Variants in AGO2 observed in about 807,000 individuals in gnomAD.
The protein encoded by AGO2 is protein argonaute-2.
Under a neutral mutation model 102.3 loss-of-function variants are expected in AGO2, and 5 were observed. That is an observed-to-expected ratio of 0.05 (90% confidence interval 0.03 to 0.10). The LOEUF (loss-of-function observed/expected upper bound fraction) is 0.10. Among genes scored for constraint, AGO2 ranks in the 10% least tolerant of loss-of-function variants. AGO2 has a pLI of 1.00. For missense variants in AGO2, 541 were observed against 1,183.7 expected (o/e 0.46, Z 7.97); for synonymous variants, 449 against 473.1 (o/e 0.95, Z 0.66).
At chr8:140,613,909 T>G (rs2074110001) in intron 1 of AGO2, among the ~76,000 whole-genome samples, 1 of 148,574 alleles carries the variant, frequency 6.7e-6, no homozygotes, top group Admixed American at 7.0e-5. Flanking sequence ...TCCCAGCTAC[T>G]CAGGAGGCTG....
chr8:140,634,011 G>A (rs2074371199), intron 1 of AGO2, among the ~76,000 whole-genome samples: 1 of 152,224 alleles, frequency 6.6e-6, no homozygotes, highest in African/African-American at 2.4e-5. Context: ...CTACAAAGAG[G>A]AGCTGGAAGG....
chr8:140,631,143 CG>C (rs1263906718), intron 1 of AGO2, among the ~76,000 whole-genome samples: 1 of 152,116 alleles, frequency 6.6e-6, no homozygotes, highest in Non-Finnish European at 1.5e-5. Context: ...CTCAACAAAA[CG>C]GAGCCCAAAA....
intron 3 of AGO2, among the ~76,000 whole-genome samples, chr8:140,566,675 T>G (rs1298710624): frequency 6.6e-6 from 1 of 150,808 alleles, no homozygotes; most frequent in Non-Finnish European, 1.5e-5. Context: ...AGGGGCTGAC[T>G]GAGGCGCCCC....
rs1246194252 is a variant in AGO2, at chr8:140,540,811, C to T, written c.2034+353G>A. 3.3e-5 allele frequency among the ~76,000 whole-genome samples: 5 copies of T among 152,200 alleles called. No individual in the cohort carries two copies. The highest frequency in any genetic ancestry group is 5.9e-5 in the Non-Finnish European group (4 of 68,028). On this transcript the variant is annotated intron_variant, in intron 15 of 18. Transcript: ENST00000220592. This position sits in a 1 kb window ranked among gnomAD's most constrained non-coding sequence, Gnocchi z 5.0. ...GAGCTCCCCGCCTCGCAGGGACACC[C>T]GACAGCTCTCCACAGCCTGCAAGGC...
At chr8:140,621,091 C>T (rs768851887) in intron 1 of AGO2, among the ~76,000 whole-genome samples, 6 of 152,160 alleles carry the variant, frequency 3.9e-5, no homozygotes, top group African/African-American at 7.2e-5. Context: ...CTCTCCCTCA[C>T]GCCACATTTG....
intron 3 of AGO2, chr8:140,572,118 A>C (rs2073387811): frequency 1.3e-5 from 2 of 152,232 alleles, no homozygotes; most frequent in African/African-American, 4.8e-5. Flanking sequence ...CATTTGTTGA[A>C]AGATATTCTC....
At position 140,557,366 on chromosome 8, in the gene AGO2, A is replaced by G. The variant is rs575075984; in HGVS notation, c.879-130T>C. ...CATTCAGAGCACTTCCGGGAGTGAAAACCATGTCATGTGCTTTGGGTTATC... is the reference window on the plus strand; with the variant it reads ...CATTCAGAGCACTTCCGGGAGTGAAGACCATGTCATGTGCTTTGGGTTATC... On this transcript the variant is annotated intron_variant, in intron 7 of 18. Transcript: ENST00000220592. This position sits in a 1 kb window ranked among gnomAD's most constrained non-coding sequence, Gnocchi z 5.9. The G allele has an allele frequency of 3.5e-6, 4 of 1,158,514 alleles. No homozygotes were observed. In the East Asian group the frequency reaches 7.7e-5, roughly 22 times the overall value. 71.8% of individuals were successfully genotyped at this position (1,158,514 alleles called of 1,614,324 possible). A position where few individuals can be genotyped will look rare whatever the true frequency, so the allele number is the denominator to read the frequency against.
chr8:140,546,399 A>C (rs1040529995), intron 13 of AGO2, among the ~76,000 whole-genome samples: 2 of 152,242 alleles, frequency 1.3e-5, no homozygotes, highest in Non-Finnish European at 2.9e-5. Flanking sequence ...CCTGCTGAGT[A>C]GGACACTCGG....
Position 140,532,029 on chromosome 8 carries a change from A to G in AGO2, c.*15T>C, listed in dbSNP as rs2072605835. ...GAATCCCACTCGGTACACAATCGCT[A>G]AACACTAAAACATGTCAAGCAAAGT... On this transcript the variant is annotated 3_prime_UTR_variant, in exon 19 of 19. Transcript: ENST00000220592. 1 of 1,611,924 alleles carries G rather than the reference A, an allele frequency of 6.2e-7. No homozygotes were observed. The highest frequency in any genetic ancestry group is 1.3e-5 in the African/African-American group (1 of 74,988).
At chr8:140,535,623 C>T in intron 16 of AGO2, 54 bp from the exon 17 acceptor site, 1 of 1,581,326 alleles carries the variant, frequency 6.3e-7, no homozygotes, top group Non-Finnish European at 8.7e-7. Context: ...CAGAGCCAAG[C>T]AGGCGGGCCA....
rs989332049 is a variant in AGO2, at chr8:140,526,868, C to T, written c.*5176G>A. 2.0e-5 allele frequency: 3 copies of T among 152,190 alleles called. No homozygotes were observed. Among genetic ancestry groups the T allele is most frequent in the Non-Finnish European group, 2.9e-5 (2 of 68,050 alleles). The allele number at this position is 152,190 out of a possible 1,614,324, so 9.4% of individuals were successfully genotyped here. ...CTGGGTGTGACACAGGGTAGCCTGA[C>T]CACAGAGTGACACACGGGGGCTACA... On this transcript the variant is annotated 3_prime_UTR_variant, in exon 19 of 19. Transcript: ENST00000220592. The surrounding 1 kb of genome is among the most constrained non-coding windows in gnomAD (Gnocchi z 5.2).
At chr8:140,593,760 A>G (rs2073780678) in intron 1 of AGO2, among the ~76,000 whole-genome samples, 1 of 152,112 alleles carries the variant, frequency 6.6e-6, no homozygotes. Flanking sequence ...TACCACGGGC[A>G]AGGCAGGCAG....
At chr8:140,544,484 T>C (rs1204743484) in intron 13 of AGO2, among the ~76,000 whole-genome samples, 181 bp from the exon 14 acceptor site, 1 of 152,212 alleles carries the variant, frequency 6.6e-6, no homozygotes, top group East Asian at 1.9e-4. Context: ...AGGTCTGAAA[T>C]CTGCTTCAGA....
intron 1 of AGO2, among the ~76,000 whole-genome samples, chr8:140,630,207 A>G (rs1404926401): frequency 6.6e-6 from 1 of 152,192 alleles, no homozygotes; most frequent in East Asian, 1.9e-4. Context: ...TAAGCTACAC[A>G]CAAGCCCCAG....
intron 1 of AGO2, among the ~76,000 whole-genome samples, chr8:140,587,377 A>G (rs565494440): frequency 6.6e-6 from 1 of 152,254 alleles, no homozygotes; most frequent in Non-Finnish European, 1.5e-5. Flanking sequence ...TAAAGATGTA[A>G]AAGTTTTCCA....
chr8:140,555,866 G>T (rs188978854), intron 10 of AGO2, 30 bp downstream of exon 10: 33 of 1,604,710 alleles, frequency 2.1e-5, no homozygotes, highest in Non-Finnish European at 2.4e-5. Flanking sequence ...ATGCCCCGCA[G>T]CCACACGTTC....
intron 1 of AGO2, among the ~76,000 whole-genome samples, chr8:140,598,292 G>A (rs796766839): frequency 2.0e-5 from 3 of 152,288 alleles, no homozygotes; most frequent in African/African-American, 7.2e-5. Context: ...GCACCAAAAA[G>A]AATTCTCTTC....
At chr8:140,568,103 CAAAAAAAAAAAA>C (rs553804959) in intron 3 of AGO2, among the ~76,000 whole-genome samples, 2 of 110,652 alleles carry the variant, frequency 1.8e-5, no homozygotes, top group Admixed American at 9.5e-5. Flanking sequence ...ACTAAAAATA[CAAAAAAAAAAAA>C]AAAAAAAAAG....
intron 10 of AGO2, among the ~76,000 whole-genome samples, chr8:140,552,950 C>T (rs1377126145): frequency 1.3e-5 from 2 of 152,160 alleles, no homozygotes; most frequent in Non-Finnish European, 1.5e-5. Context: ...CATCCCTGGT[C>T]GAGAACTCCT....
Sources: allele counts gnomAD v4.1 joint callset (sites outside exome capture counted in the v4.1 genomes callset), GRCh38; gene constraint gnomAD v4.1.1; non-coding constraint Gnocchi (gnomAD v3.1); transcripts MANE v1.5; gene names NCBI Gene and HGNC (gene_info 2026-07-23, HGNC 2026-07-21).